Variants in NR5A2 observed in about 807,000 individuals in gnomAD.
NR5A2 encodes nuclear receptor subfamily 5 group A member 2.
In NR5A2, 26 loss-of-function variants were observed where a neutral mutation model predicts 62.7. The observed-to-expected ratio is 0.41, with a 90% confidence interval of 0.30 to 0.58. NR5A2 has a LOEUF of 0.58. Ranked by LOEUF, NR5A2 falls within the 20% of genes least tolerant of loss-of-function variation. The probability of loss-of-function intolerance (pLI) is 0.22; values close to 1 mark genes in which losing one functional copy is unlikely to be tolerated. For synonymous variants in NR5A2, 246 were observed against 241.7 expected, an observed-to-expected ratio of 1.02 and a Z score of -0.16; for missense variants, 541 against 669.1, an observed-to-expected ratio of 0.81 and a Z score of 2.11.
In NR5A2 at chr1:200,160,142, A is replaced by G. The variant is rs576122300; in HGVS notation, c.1379-13821A>G. Among the ~76,000 whole-genome samples the G allele has an allele frequency of 1.2e-4, 19 of 152,358 alleles. No individual in the cohort carries two copies. In the South Asian group the frequency reaches 2.3e-3, roughly 18 times the overall value. On this transcript the variant is annotated intron_variant, in intron 7 of 7. Coordinates refer to ENST00000367362, the MANE Select transcript of NR5A2 (RefSeq NM_205860.3). ...CCTTCTGCAGGGAGCAAAGCCTAGA[A>G]ACAGGAAGCTGCTACAAGCAATCCC...
chr1:200,094,946 T>G (rs778900789), intron 5 of NR5A2, among the ~76,000 whole-genome samples: 1 of 151,982 alleles, frequency 6.6e-6, no homozygotes, highest in African/African-American at 2.4e-5. Flanking sequence ...AGAGTTCTCA[T>G]AGATAGAAAA....
intron 7 of NR5A2, among the ~76,000 whole-genome samples, chr1:200,128,643 T>A (rs1269308826): frequency 1.3e-5 from 2 of 152,172 alleles, no homozygotes; most frequent in Non-Finnish European, 2.9e-5. Context: ...AATCCTAAAG[T>A]AGCCAATTGC....
chr1:200,106,977 A>T (rs1449001936), intron 5 of NR5A2, among the ~76,000 whole-genome samples: 1 of 152,254 alleles, frequency 6.6e-6, no homozygotes, highest in African/African-American at 2.4e-5. Context: ...GAATGTTGGC[A>T]TAGAAAACCT....
chr1:200,038,251 C>A (rs61819899), intron 1 of NR5A2, among the ~76,000 whole-genome samples: 21,452 of 152,236 alleles, frequency 0.14, 2,420 homozygotes, highest in African/African-American at 0.31. Context: ...TGAAAAAGTA[C>A]AGCCTGGACT....
chr1:200,108,846 T>C (rs945246160), intron 5 of NR5A2, among the ~76,000 whole-genome samples: 5 of 152,216 alleles, frequency 3.3e-5, no homozygotes, highest in South Asian at 2.1e-4. Context: ...TGGAATCTGC[T>C]GTGTATGCAA....
At chr1:200,041,127 G>A (rs1662052813) in intron 2 of NR5A2, among the ~76,000 whole-genome samples, 1 of 152,218 alleles carries the variant, frequency 6.6e-6, no homozygotes, top group South Asian at 2.1e-4. Flanking sequence ...TCCGGAGAGG[G>A]CCTACCCTTG....
intron 7 of NR5A2, among the ~76,000 whole-genome samples, chr1:200,132,846 C>T (rs1282764094): frequency 2.6e-5 from 4 of 152,190 alleles, no homozygotes; most frequent in Admixed American, 2.6e-4. Flanking sequence ...CACCCACATC[C>T]CAAGTTACCC....
At chr1:200,141,386 C>G (rs950895645) in intron 7 of NR5A2, among the ~76,000 whole-genome samples, 9 of 152,042 alleles carry the variant, frequency 5.9e-5, no homozygotes, top group African/African-American at 1.7e-4. Context: ...TTGGAATTGG[C>G]ATCTTTCACT....
At chr1:200,034,638 T>G (rs1661686443) in intron 1 of NR5A2, among the ~76,000 whole-genome samples, 2 of 151,702 alleles carry the variant, frequency 1.3e-5, no homozygotes, top group African/African-American at 4.8e-5. Context: ...CCCAGATAAT[T>G]GCTTCGGCTT....
chr1:200,147,930 T>C lies in NR5A2; in HGVS notation c.1379-26033T>C. On this transcript the variant is annotated intron_variant, in intron 7 of 7. Coordinates refer to ENST00000367362, the MANE Select transcript of NR5A2 (RefSeq NM_205860.3). The surrounding 1 kb of genome is among the most constrained non-coding windows in gnomAD (Gnocchi z 4.9). The stretch of plus-strand genomic sequence containing the variant: ...TGCGGGCTGTGATGTGGTGCAGCGC[T>C]TCGCCGGTGTTGGTGTTGCCCTGTG... 2.7e-6 allele frequency: 1 copy of C among 365,954 alleles called. No homozygotes were observed. 22.7% of individuals were successfully genotyped at this position (365,954 alleles called of 1,614,324 possible).
At chr1:200,057,562 T>C in intron 5 of NR5A2, 1 of 344,294 alleles carries the variant, frequency 2.9e-6, no homozygotes, top group East Asian at 1.3e-4. Flanking sequence ...CATGGCAACC[T>C]CCACCTCCTG....
intron 5 of NR5A2, among the ~76,000 whole-genome samples, chr1:200,084,349 G>A (rs1664431471): frequency 1.3e-5 from 2 of 152,204 alleles, no homozygotes; most frequent in South Asian, 4.2e-4. Context: ...GTGAGTTCAA[G>A]TACATTTCCC....
intron 7 of NR5A2, among the ~76,000 whole-genome samples, chr1:200,144,223 TCTCTCTCTCTCA>T (rs1301937054): frequency 3.2e-5 from 1 of 30,904 alleles, no homozygotes; most frequent in African/African-American, 1.0e-4. Context: ...TTTCTCTCTC[TCTCTCTCTCTCA>T]CACACACACA....
chr1:200,172,982 T>C (rs1162814971), intron 7 of NR5A2, among the ~76,000 whole-genome samples: 2 of 152,244 alleles, frequency 1.3e-5, no homozygotes, highest in African/African-American at 4.8e-5. Flanking sequence ...GAGGCTTCTA[T>C]GTACACATCA....
intron 7 of NR5A2, among the ~76,000 whole-genome samples, chr1:200,145,080 G>A (rs1027022372): frequency 1.3e-5 from 2 of 152,162 alleles, no homozygotes; most frequent in Non-Finnish European, 2.9e-5. Flanking sequence ...GGGAGGCTGA[G>A]GCAGGCGGAT....
chr1:200,041,816 C>T (rs1312432556), intron 2 of NR5A2, among the ~76,000 whole-genome samples: 1 of 152,162 alleles, frequency 6.6e-6, no homozygotes, highest in African/African-American at 2.4e-5. Flanking sequence ...TACCTCATGC[C>T]TCGGTCTTTC....
At position 200,039,931 on chromosome 1, in the gene NR5A2, C is replaced by G; in HGVS notation, c.202+136C>G. On this transcript the variant is annotated intron_variant, in intron 2 of 7. Transcript: ENST00000367362. The surrounding 1 kb of genome is among the most constrained non-coding windows in gnomAD (Gnocchi z 5.1). ...CGCTCGCAGCCGCGGGAGTCAAGCC[C>G]CCTCCCCAGGTGCAGGCATAAAAGT... is the stretch of plus-strand genomic sequence containing the variant. 1.1e-6 allele frequency: 1 copy of G among 942,754 alleles called. No individual in the cohort carries two copies. Among genetic ancestry groups the G allele is most frequent in the Non-Finnish European group, 1.5e-6 (1 of 668,924 alleles). The allele number at this position is 942,754 out of a possible 1,614,324, so 58.4% of individuals were successfully genotyped here. A position where few individuals can be genotyped will look rare whatever the true frequency, so the allele number is the denominator to read the frequency against.
chr1:200,131,511 G>A lies in NR5A2; in HGVS notation c.1378+10556G>A. 1.3e-5 allele frequency among the ~76,000 whole-genome samples: 2 copies of A among 152,202 alleles called. 1 individual carries two copies. The highest frequency in any genetic ancestry group is 2.9e-5 in the Non-Finnish European group (2 of 68,040). On this transcript the variant is annotated intron_variant, in intron 7 of 7. Coordinates refer to ENST00000367362, the MANE Select transcript of NR5A2 (RefSeq NM_205860.3). The stretch of plus-strand genomic sequence containing the variant: ...TGCTATTTAGTGAGATGATTTTTCA[G>A]AGACATATTGGCCAGGCAAGCTAGG...
rs1425565369 is a variant in NR5A2 at position 200,174,043 on chromosome 1, T to C, written c.1459T>C (p.Cys487Arg). 2 of 1,612,502 alleles carry C rather than the reference T, an allele frequency of 1.2e-6. No homozygotes were observed. Among genetic ancestry groups the C allele is most frequent in the Non-Finnish European group, 1.7e-6 (2 of 1,179,616 alleles). The change falls in exon 8 of 8, where the codon TGT becomes CGT. Residue 487 changes from cysteine to arginine, a missense_variant. Physicochemically the swap from Cys to Arg is radical, Grantham distance 180. This residue lies in a region of NR5A2 where 379 missense variants were observed against 442.0 expected (regional missense o/e 0.86). Coordinates refer to ENST00000367362, the MANE Select transcript of NR5A2 (RefSeq NM_205860.3). ...VNAALLDYTM[C>R]NYPQQTEKFG... ...TGCCGCCCTGCTGGACTACACAATGTGTAACTACCCGCAGCAGACAGAGAA... is the reference window on the plus strand; with the variant it reads ...TGCCGCCCTGCTGGACTACACAATGCGTAACTACCCGCAGCAGACAGAGAA...
Sources: allele counts gnomAD v4.1 joint callset (sites outside exome capture counted in the v4.1 genomes callset), GRCh38; gene constraint gnomAD v4.1.1; regional missense constraint gnomAD v4.1.1; non-coding constraint Gnocchi (gnomAD v3.1); transcripts MANE v1.5; gene names NCBI Gene and HGNC (gene_info 2026-07-23, HGNC 2026-07-21).